MCPH1: variants seen among roughly 807,000 people sequenced by gnomAD.
The protein encoded by MCPH1 is microcephalin.
In MCPH1, 104 loss-of-function variants were observed where a neutral mutation model predicts 84.5. The ratio of observed to expected loss-of-function variants is 1.23; its 90% CI spans 1.05 to 1.45. The LOEUF (loss-of-function observed/expected upper bound fraction) is 1.45. MCPH1 is among the 40% of genes most tolerant of loss of function. The pLI, the probability that MCPH1 is intolerant of heterozygous loss-of-function variation, is 0.00. For synonymous variants in MCPH1, 514 were observed against 366.8 expected, an observed-to-expected ratio of 1.40 and a Z score of -4.58; for missense variants, 1,498 against 1,005.7, an observed-to-expected ratio of 1.49 and a Z score of -6.62.
chr8:6,612,936 G>T (rs982955674), intron 12 of MCPH1, among the ~76,000 whole-genome samples: 1 of 152,230 alleles, frequency 6.6e-6, no homozygotes, highest in Non-Finnish European at 1.5e-5. Context: ...TGCAGGTTGG[G>T]AGAAATAACA....
intron 12 of MCPH1, chr8:6,503,237 G>A: frequency 6.2e-7 from 1 of 1,614,102 alleles, no homozygotes; most frequent in Non-Finnish European, 8.5e-7. Flanking sequence ...CAAGTTGGAA[G>A]GACCACATGC....
intron 12 of MCPH1, among the ~76,000 whole-genome samples, chr8:6,578,076 G>A (rs1396044589): frequency 6.6e-6 from 1 of 152,182 alleles, no homozygotes; most frequent in East Asian, 1.9e-4. Context: ...TAGATCAGAC[G>A]TGTTCTCTTC....
intron 2 of MCPH1, among the ~76,000 whole-genome samples, chr8:6,410,584 G>T (rs1798400432): frequency 6.6e-6 from 1 of 152,162 alleles, no homozygotes; most frequent in African/African-American, 2.4e-5. Context: ...TAATGTCCTT[G>T]ATACCAAATA....
intron 8 of MCPH1, among the ~76,000 whole-genome samples, chr8:6,449,186 T>G (rs1210004730): frequency 6.6e-6 from 1 of 152,366 alleles, no homozygotes; most frequent in South Asian, 2.1e-4. Flanking sequence ...TAATTTGCAT[T>G]GAGCATCTTC....
At chr8:6,459,027 G>A (rs1460524447) in intron 9 of MCPH1, among the ~76,000 whole-genome samples, 1 of 152,146 alleles carries the variant, frequency 6.6e-6, no homozygotes, top group African/African-American at 2.4e-5. Context: ...AGTTTATGTT[G>A]ATATGTGGTA....
chr8:6,593,877 G>T (rs566815235), intron 12 of MCPH1, among the ~76,000 whole-genome samples: 1 of 152,270 alleles, frequency 6.6e-6, no homozygotes, highest in East Asian at 1.9e-4. Context: ...TCTGTTCATT[G>T]CTTCCTTCTT....
At chr8:6,478,788 T>C (rs531088518) in intron 10 of MCPH1, among the ~76,000 whole-genome samples, 1 of 152,192 alleles carries the variant, frequency 6.6e-6, no homozygotes, top group East Asian at 1.9e-4. Context: ...CAAGTTTAAT[T>C]ATTTTTCTTG....
intron 1 of MCPH1, among the ~76,000 whole-genome samples, chr8:6,408,942 A>G (rs539614722): frequency 4.0e-4 from 60 of 151,732 alleles, no homozygotes; most frequent in South Asian, 2.5e-3. Flanking sequence ...CTGGAGTGCA[A>G]TGGCGCAATC....
At chr8:6,562,613 C>T (rs1351687040) in intron 12 of MCPH1, 14 of 1,168,520 alleles carry the variant, frequency 1.2e-5, no homozygotes, top group Non-Finnish European at 1.6e-5. Context: ...ATCTTAATAG[C>T]ATGTTCACAA....
intron 11 of MCPH1, among the ~76,000 whole-genome samples, chr8:6,482,940 A>G (rs973085801): frequency 1.3e-5 from 2 of 152,248 alleles, no homozygotes; most frequent in African/African-American, 4.8e-5. Flanking sequence ...ACAAGAAAAG[A>G]TAATAAAAGG....
intron 12 of MCPH1, among the ~76,000 whole-genome samples, chr8:6,537,956 G>C (rs1820804206): frequency 6.6e-6 from 1 of 151,964 alleles, no homozygotes; most frequent in African/African-American, 2.4e-5. Context: ...AGTGACCTAA[G>C]GTGGACAAAA....
intron 3 of MCPH1, among the ~76,000 whole-genome samples, chr8:6,421,761 A>G (rs1021821617): frequency 6.6e-6 from 1 of 152,078 alleles, no homozygotes; most frequent in African/African-American, 2.4e-5. Flanking sequence ...CCTTTACAGA[A>G]GTTTGCTGAC....
At chr8:6,428,000 C>T (rs1175911788) in intron 3 of MCPH1, among the ~76,000 whole-genome samples, 1 of 151,810 alleles carries the variant, frequency 6.6e-6, no homozygotes. Context: ...CCCATGTTAG[C>T]CTGGATGGCC....
At chr8:6,470,160 G>C (rs988147071) in intron 9 of MCPH1, among the ~76,000 whole-genome samples, 3 of 152,174 alleles carry the variant, frequency 2.0e-5, no homozygotes, top group African/African-American at 4.8e-5. Flanking sequence ...GAATGGAAGA[G>C]TAATATCTCA....
chr8:6,445,807 G>A, intron 8 of MCPH1: 1 of 1,244,486 alleles, frequency 8.0e-7, no homozygotes, highest in Non-Finnish European at 1.0e-6. Flanking sequence ...AGGTCAAAAG[G>A]ATAAGTAGTC....
At chr8:6,641,887 A>G (rs544479264) in intron 13 of MCPH1, among the ~76,000 whole-genome samples, 1 of 152,292 alleles carries the variant, frequency 6.6e-6, no homozygotes, top group Non-Finnish European at 1.5e-5. Flanking sequence ...ATAAGCTATC[A>G]CAAATGTTAG....
intron 11 of MCPH1, among the ~76,000 whole-genome samples, chr8:6,493,468 G>A: frequency 6.6e-6 from 1 of 152,172 alleles, no homozygotes; most frequent in African/African-American, 2.4e-5. Context: ...AGGGAAATGG[G>A]TTCTTAACTA....
intron 3 of MCPH1, among the ~76,000 whole-genome samples, chr8:6,423,064 GC>G (rs1454476881): frequency 6.6e-6 from 1 of 151,208 alleles, no homozygotes; most frequent in Non-Finnish European, 1.5e-5. Flanking sequence ...CAGGTGATCC[GC>G]CCACCTTGGC....
intron 3 of MCPH1, among the ~76,000 whole-genome samples, chr8:6,416,075 A>C (rs925055085): frequency 3.3e-5 from 5 of 151,976 alleles, no homozygotes; most frequent in Admixed American, 2.6e-4. Context: ...TTGTTTTCTT[A>C]ATTTTTTTAA....
Sources: allele counts gnomAD v4.1 joint callset (sites outside exome capture counted in the v4.1 genomes callset), GRCh38; gene constraint gnomAD v4.1.1; transcripts MANE v1.5; gene names NCBI Gene and HGNC (gene_info 2026-07-23, HGNC 2026-07-21).